CYRIB: variants seen among roughly 807,000 people sequenced by gnomAD.
CYRIB encodes the protein CYFIP-related Rac1 interactor B.
A neutral mutation model predicts 44.2 loss-of-function variants in CYRIB; 8 were observed. The ratio of observed to expected loss-of-function variants is 0.18; its 90% CI spans 0.11 to 0.33. CYRIB has a LOEUF of 0.33. CYRIB is among the 10% of genes least tolerant of loss of function. The pLI is 1.00. For synonymous variants in CYRIB, 131 were observed against 127.2 expected (o/e 1.03, Z -0.20); for missense variants, 185 against 382.8 (o/e 0.48, Z 4.31).
At chr8:129,993,268 C>T (rs1027640095) in intron 1 of CYRIB, among the ~76,000 whole-genome samples, 4 of 152,048 alleles carry the variant, frequency 2.6e-5, no homozygotes, top group Non-Finnish European at 5.9e-5. Flanking sequence ...TGATACGTGC[C>T]TGTAATCCCA....
chr8:129,987,578 T>C (rs1488141140), intron 1 of CYRIB, among the ~76,000 whole-genome samples: 1 of 148,614 alleles, frequency 6.7e-6, no homozygotes, highest in Non-Finnish European at 1.5e-5. Context: ...CTTTTTTTTT[T>C]TTTTTTTATG....
At chr8:129,906,024 G>A (rs2075180934) in intron 1 of CYRIB, among the ~76,000 whole-genome samples, 1 of 152,040 alleles carries the variant, frequency 6.6e-6, no homozygotes, top group East Asian at 1.9e-4. Context: ...TGGCCATACT[G>A]CCCAAGGTAA....
At chr8:130,007,344 G>A (rs1446495556) in intron 1 of CYRIB, among the ~76,000 whole-genome samples, 1 of 152,236 alleles carries the variant, frequency 6.6e-6, no homozygotes, top group African/African-American at 2.4e-5. Context: ...AAAACAGGAG[G>A]TGGGCACTGA....
At chr8:129,875,707 T>C (rs897888776) in intron 3 of CYRIB, among the ~76,000 whole-genome samples, 3 of 152,244 alleles carry the variant, frequency 2.0e-5, no homozygotes, top group Admixed American at 1.3e-4. Flanking sequence ...TGACATTTCA[T>C]GCCTTAAGGT....
At chr8:129,843,755 T>C (rs1586779249) in intron 11 of CYRIB, 2 of 152,326 alleles carry the variant, frequency 1.3e-5, no homozygotes, top group Admixed American at 1.3e-4. Flanking sequence ...TTTAAGAAAT[T>C]TAAACCCAAT....
At chr8:129,873,093 C>A (rs1349304416) in intron 3 of CYRIB, among the ~76,000 whole-genome samples, 1 of 151,882 alleles carries the variant, frequency 6.6e-6, no homozygotes, top group Non-Finnish European at 1.5e-5. Context: ...ATATGTAAAA[C>A]AGTACTACAG....
intron 2 of CYRIB, among the ~76,000 whole-genome samples, chr8:129,887,233 G>C (rs1041995589): frequency 6.6e-6 from 1 of 152,086 alleles, no homozygotes; most frequent in Non-Finnish European, 1.5e-5. Flanking sequence ...CTCCAGCCAC[G>C]GCTAAAACAG....
At chr8:129,897,962 C>T (rs553665153) in intron 2 of CYRIB, among the ~76,000 whole-genome samples, 43 of 151,942 alleles carry the variant, frequency 2.8e-4, no homozygotes, top group South Asian at 6.2e-4. Context: ...GATGGGGTTT[C>T]GCCATGTTGG....
chr8:129,896,460 T>C (rs894691547), intron 2 of CYRIB, among the ~76,000 whole-genome samples: 6 of 152,230 alleles, frequency 3.9e-5, no homozygotes, highest in Non-Finnish European at 1.5e-5. Flanking sequence ...AATGATATTT[T>C]CCCACAATAC....
intron 2 of CYRIB, among the ~76,000 whole-genome samples, chr8:129,960,671 G>A (rs922121882): frequency 5.2e-5 from 7 of 134,550 alleles, no homozygotes; most frequent in African/African-American, 1.7e-4. Flanking sequence ...AAAAAAAAAG[G>A]CTGGGCATGG....
At chr8:129,866,124 G>A (rs1329312075) in intron 4 of CYRIB, among the ~76,000 whole-genome samples, 1 of 152,158 alleles carries the variant, frequency 6.6e-6, no homozygotes, top group Non-Finnish European at 1.5e-5. Flanking sequence ...AACCGTATGT[G>A]TTGTGTGCAG....
intron 2 of CYRIB, among the ~76,000 whole-genome samples, chr8:129,966,306 T>C (rs934787208): frequency 6.6e-6 from 1 of 152,226 alleles, no homozygotes; most frequent in East Asian, 1.9e-4. Context: ...TGAAGCAGAA[T>C]TGCAGGATCA....
intron 1 of CYRIB, among the ~76,000 whole-genome samples, chr8:130,010,420 C>G (rs1482168590): frequency 6.6e-6 from 1 of 152,170 alleles, no homozygotes; most frequent in Non-Finnish European, 1.5e-5. Flanking sequence ...GATGCTTCCC[C>G]CCAGGAGGTC....
At chr8:129,984,528 C>A (rs1016005586) in intron 1 of CYRIB, among the ~76,000 whole-genome samples, 5 of 152,162 alleles carry the variant, frequency 3.3e-5, no homozygotes, top group African/African-American at 1.2e-4. Flanking sequence ...AGGGCTGGCA[C>A]AGGAACACTG....
intron 2 of CYRIB, among the ~76,000 whole-genome samples, chr8:129,901,226 CT>C (rs1002962200): frequency 1.5e-4 from 22 of 148,526 alleles, no homozygotes; most frequent in African/African-American, 1.5e-4. Context: ...ATTAGGATAC[CT>C]TTTTTTTTTG....
chr8:129,986,699 G>A (rs874582), intron 1 of CYRIB, among the ~76,000 whole-genome samples: 52,262 of 151,872 alleles, frequency 0.34, 9,359 homozygotes, highest in African/African-American at 0.44. Context: ...GCCCTCACCA[G>A]ATGCAGCCCC....
chr8:129,940,553 C>G (rs1326097130), upstream of CYRIB, among the ~76,000 whole-genome samples: 1 of 152,174 alleles, frequency 6.6e-6, no homozygotes, highest in Non-Finnish European at 1.5e-5. Flanking sequence ...AGGGCACAGC[C>G]TCTTAATTAC....
chr8:129,852,747 G>T (rs1372539109), intron 7 of CYRIB, among the ~76,000 whole-genome samples: 2 of 152,298 alleles, frequency 1.3e-5, no homozygotes, highest in East Asian at 3.9e-4. Flanking sequence ...TCTGGCAGGG[G>T]AAAGAGTATG....
intron 1 of CYRIB, among the ~76,000 whole-genome samples, chr8:130,011,184 AG>A (rs1446834806): frequency 1.3e-5 from 2 of 152,170 alleles, no homozygotes; most frequent in Non-Finnish European, 2.9e-5. Context: ...CACATTACTC[AG>A]TGGCCCTCTC....
Sources: gnomAD v4.1 joint callset for allele counts (sites outside exome capture counted in the v4.1 genomes callset) on GRCh38, gnomAD v4.1.1 for gene constraint, MANE v1.5 for transcripts, NCBI Gene and HGNC (gene_info 2026-07-23, HGNC 2026-07-21) for gene names.